Variants in TENM4 observed in about 807,000 individuals in gnomAD.
The protein encoded by TENM4 is teneurin transmembrane protein 4.
Under a neutral mutation model 243.3 loss-of-function variants are expected in TENM4, and 82 were observed. The ratio of observed to expected loss-of-function variants is 0.34; its 90% CI spans 0.28 to 0.40. TENM4 has a LOEUF of 0.40. TENM4 is among the 10% of genes least tolerant of loss of function. The pLI is 1.00. For missense variants in TENM4, 3,138 were observed against 3,673.3 expected, an observed-to-expected ratio of 0.85 and a Z score of 3.77; for synonymous variants, 1,412 against 1,456.3, an observed-to-expected ratio of 0.97 and a Z score of 0.69.
Position 79,367,569 on chromosome 11 carries a change from C to T in TENM4, c.-320-70026G>A, listed in dbSNP as rs1026707266. On this transcript the variant is annotated intron_variant, in intron 1 of 33. Coordinates refer to ENST00000278550, the MANE Select transcript of TENM4 (RefSeq NM_001098816.3). ...AGAATTGCCATCATTTTGTCCATAG[C>T]TACTTGTGAAAGGAAAAAATATATT... 3.9e-5 allele frequency among the ~76,000 whole-genome samples: 6 copies of T among 152,328 alleles called. 1 individual carries two copies. The highest frequency in any genetic ancestry group is 7.2e-5 in the African/African-American group (3 of 41,554).
intron 14 of TENM4, among the ~76,000 whole-genome samples, 173 bp from the exon 15 acceptor site, chr11:78,805,665 C>T (rs575320678): frequency 6.6e-5 from 10 of 152,268 alleles, no homozygotes; most frequent in Admixed American, 2.0e-4. Context: ...GACCTGGCTT[C>T]CCAACTCCAC....
intron 1 of TENM4, among the ~76,000 whole-genome samples, chr11:79,395,148 G>A (rs1858316589): frequency 6.6e-6 from 1 of 152,180 alleles, no homozygotes; most frequent in African/African-American, 2.4e-5. Flanking sequence ...AAACAGATGA[G>A]CCAAGTGTTG....
At chr11:79,384,190 A>G (rs1172811977) in intron 1 of TENM4, among the ~76,000 whole-genome samples, 2 of 152,254 alleles carry the variant, frequency 1.3e-5, no homozygotes, top group African/African-American at 4.8e-5. Flanking sequence ...TGAACATAGC[A>G]GAGGGCCTGA....
At chr11:78,920,533 C>G (rs1386170669) in intron 6 of TENM4, among the ~76,000 whole-genome samples, 1 of 152,138 alleles carries the variant, frequency 6.6e-6, no homozygotes, top group Non-Finnish European at 1.5e-5. Context: ...TGTTCACGGT[C>G]TCGTCCTCTC....
At chr11:78,834,882 C>T (rs1858066142) in intron 12 of TENM4, among the ~76,000 whole-genome samples, 1 of 152,166 alleles carries the variant, frequency 6.6e-6, no homozygotes, top group Non-Finnish European at 1.5e-5. Context: ...AGCTCTGTGC[C>T]TCACCCCTGC....
At chr11:78,732,284 C>A in intron 21 of TENM4, 32 bp downstream of exon 21, 1 of 1,562,966 alleles carries the variant, frequency 6.4e-7, no homozygotes, top group South Asian at 1.2e-5. Context: ...GAAATAAAAG[C>A]ATGGTGGAAT....
At chr11:79,157,297 C>G (rs760104961) in intron 3 of TENM4, among the ~76,000 whole-genome samples, 7 of 152,124 alleles carry the variant, frequency 4.6e-5, no homozygotes, top group African/African-American at 1.4e-4. Flanking sequence ...TCTTTGTGAA[C>G]CTATTCCCTT....
intron 1 of TENM4, among the ~76,000 whole-genome samples, chr11:79,316,372 G>A (rs80091525): frequency 0.011 from 1,630 of 152,244 alleles, 32 homozygotes; most frequent in African/African-American, 0.037. Context: ...AGAAACAACA[G>A]CCAACCATAG....
intron 9 of TENM4, among the ~76,000 whole-genome samples, chr11:78,886,438 G>A (rs1277602096): frequency 6.6e-6 from 1 of 152,222 alleles, no homozygotes; most frequent in Non-Finnish European, 1.5e-5. Flanking sequence ...CTGCAGGAGA[G>A]CAAGCAATAA....
intron 6 of TENM4, among the ~76,000 whole-genome samples, chr11:78,938,720 AC>A (rs763996494): frequency 2.0e-5 from 3 of 152,302 alleles, no homozygotes; most frequent in Non-Finnish European, 4.4e-5. Context: ...AGCAGAGCAG[AC>A]CATCATCTGG....
chr11:79,392,514 T>C (rs1210911394), intron 1 of TENM4, among the ~76,000 whole-genome samples: 1 of 152,226 alleles, frequency 6.6e-6, no homozygotes, highest in African/African-American at 2.4e-5. Flanking sequence ...TGTTTCTTTG[T>C]GTGCTCCTGG....
intron 2 of TENM4, among the ~76,000 whole-genome samples, chr11:79,243,999 C>T (rs1325937173): frequency 6.6e-6 from 1 of 152,168 alleles, no homozygotes; most frequent in Non-Finnish European, 1.5e-5. Context: ...AACAAGCTCC[C>T]GTGATGCTGA....
At chr11:79,358,904 T>C (rs1041972222) in intron 1 of TENM4, among the ~76,000 whole-genome samples, 34 of 152,028 alleles carry the variant, frequency 2.2e-4, no homozygotes, top group African/African-American at 8.2e-4. Context: ...AAAAACACCT[T>C]TATTTTTTAT....
intron 31 of TENM4, 141 bp from the exon 32 acceptor site, chr11:78,670,692 C>T (rs541866955): frequency 9.7e-6 from 8 of 824,740 alleles, no homozygotes; most frequent in Non-Finnish European, 1.5e-5. Flanking sequence ...TATGCTCCAA[C>T]CAGAGCTCTC....
intron 11 of TENM4, 64 bp from the exon 12 acceptor site, chr11:78,854,378 G>T: frequency 7.2e-7 from 1 of 1,393,416 alleles, no homozygotes; most frequent in Non-Finnish European, 9.4e-7. Context: ...CGTCCTTCCC[G>T]GGGCTTCTCC....
intron 32 of TENM4, 118 bp from the exon 33 acceptor site, chr11:78,661,709 G>A: frequency 1.5e-6 from 2 of 1,316,904 alleles, no homozygotes; most frequent in Non-Finnish European, 2.1e-6. Flanking sequence ...GATTGCTGCT[G>A]GTGGGAGAGT....
At chr11:78,843,150 C>T (rs183867078) in intron 12 of TENM4, among the ~76,000 whole-genome samples, 16 of 151,772 alleles carry the variant, frequency 1.1e-4, no homozygotes, top group African/African-American at 3.6e-4. Flanking sequence ...TGGTGGTGGG[C>T]GCCTATAATC....
chr11:79,403,856 T>C (rs1858513144), intron 1 of TENM4, among the ~76,000 whole-genome samples: 1 of 152,164 alleles, frequency 6.6e-6, no homozygotes, highest in Non-Finnish European at 1.5e-5. Flanking sequence ...TCTCATTTAA[T>C]CCTCTGCAAA....
intron 6 of TENM4, among the ~76,000 whole-genome samples, chr11:78,993,777 C>A (rs74815208): frequency 0.013 from 1,926 of 152,242 alleles, 47 homozygotes; most frequent in African/African-American, 0.044. Context: ...TTCTCTAATT[C>A]CTTGAACAGA....
Sources: gnomAD v4.1 joint callset for allele counts (sites outside exome capture counted in the v4.1 genomes callset) on GRCh38, gnomAD v4.1.1 for gene constraint, MANE v1.5 for transcripts, NCBI Gene and HGNC (gene_info 2026-07-23, HGNC 2026-07-21) for gene names.